The following ZBTB40 variants were observed in gnomAD, a reference collection of about 807,000 sequenced individuals.
The protein encoded by ZBTB40 is zinc finger and BTB domain containing 40.
In ZBTB40, 60 loss-of-function variants were observed where a neutral mutation model predicts 117.5. The ratio of observed to expected loss-of-function variants is 0.51; its 90% confidence interval spans 0.41 to 0.63. ZBTB40 has a LOEUF of 0.63. ZBTB40 is among the 30% of genes least tolerant of loss of function. ZBTB40 has a pLI of 0.00. For missense variants in ZBTB40, 1,287 were observed against 1,498.5 expected (o/e 0.86, Z 2.33); for synonymous variants, 525 against 577.1 (o/e 0.91, Z 1.29).
At chr1:22,517,201 G>A in intron 12 of ZBTB40, 99 bp from the exon 13 acceptor site, 2 of 1,537,152 alleles carry the variant, frequency 1.3e-6, no homozygotes, top group Admixed American at 1.7e-5. Context: ...TCATCTACCA[G>A]ATGATATTTC....
chr1:22,440,217 T>G (rs1262722533), intron 1 of ZBTB40, among the ~76,000 whole-genome samples: 1 of 152,240 alleles, frequency 6.6e-6, no homozygotes, highest in African/African-American at 2.4e-5. Flanking sequence ...ACAGGTTTTT[T>G]TGGTGGAATC....
chr1:22,441,661 T>G (rs1640734846), intron 1 of ZBTB40, among the ~76,000 whole-genome samples: 2 of 152,042 alleles, frequency 1.3e-5, no homozygotes, highest in South Asian at 4.2e-4. Flanking sequence ...TTTTGTATTT[T>G]TGGTAGAGAC....
intron 1 of ZBTB40, among the ~76,000 whole-genome samples, chr1:22,458,437 G>A (rs1338432469): frequency 6.6e-6 from 1 of 152,130 alleles, no homozygotes; most frequent in Non-Finnish European, 1.5e-5. Flanking sequence ...CATCCTTTCT[G>A]GGGCCAGTGG....
intron 1 of ZBTB40, among the ~76,000 whole-genome samples, chr1:22,468,643 C>CTTTTTTTTTTTTT (rs71020424): frequency 3.5e-5 from 1 of 28,608 alleles, no homozygotes; most frequent in Non-Finnish European, 5.9e-5. Context: ...GCCTGGCTGG[C>CTTTTTTTTTTTTT]TTTTTTTTTT....
chr1:22,490,815 A>G (rs1019683792), intron 2 of ZBTB40, among the ~76,000 whole-genome samples, 170 bp downstream of exon 2: 3 of 152,236 alleles, frequency 2.0e-5, no homozygotes, highest in Non-Finnish European at 4.4e-5. Flanking sequence ...GAACATTGAA[A>G]GTCCAAACAT....
chr1:22,517,329 G>T lies in ZBTB40; in HGVS notation c.2698G>T (p.Ala900Ser), dbSNP rs1230802092. The change falls in exon 13 of 18, where the codon GCT (alanine) becomes TCT (serine). Residue 900 changes from alanine (A) to serine (S), a missense_variant. By Grantham distance (99) the Ala-to-Ser change is moderately conservative (BLOSUM62 1). This residue lies in a region of ZBTB40 where 417 missense variants were observed against 564.1 expected (regional missense o/e 0.74). Transcript: ENST00000375647. ...AATGTATGCATGCCAGTACTGTGAT[G>T]CTGTGTTTGCCCAGTCTATTGAGCT... ...GKMYACQYCD[A>S]VFAQSIELSR... The T allele has an allele frequency of 6.2e-7, 1 of 1,614,058 alleles. No individual in the cohort carries two copies. Among genetic ancestry groups the T allele is most frequent in the Non-Finnish European group, 8.5e-7 (1 of 1,180,044 alleles).
intron 1 of ZBTB40, among the ~76,000 whole-genome samples, chr1:22,468,966 A>G (rs4369203): frequency 0.35 from 52,747 of 151,778 alleles, 10,741 homozygotes; most frequent in African/African-American, 0.54. Flanking sequence ...AGCGAGGACT[A>G]CAGGTGTACT....
rs368522269 is a variant in ZBTB40 at position 22,474,229 on chromosome 1, C to T, written c.-69-15651C>T. 5.3e-5 allele frequency among the ~76,000 whole-genome samples: 8 copies of T among 152,142 alleles called. No individual in the cohort carries two copies. In the East Asian group the frequency reaches 1.2e-3, roughly 22 times the overall value. On this transcript the variant is annotated intron_variant, in intron 1 of 17. Transcript: ENST00000375647. ...CGCTCCAAATCTTGGAGAGTGGAAC[C>T]GAAGCACACTAGCATTTGGGAAGGA...
chr1:22,459,113 C>T (rs1294482770), intron 1 of ZBTB40, among the ~76,000 whole-genome samples: 1 of 152,098 alleles, frequency 6.6e-6, no homozygotes, highest in Admixed American at 6.5e-5. Context: ...TATATCATGT[C>T]TGTGATACAG....
At chr1:22,462,233 G>C (rs1412376853) in intron 1 of ZBTB40, among the ~76,000 whole-genome samples, 1 of 152,210 alleles carries the variant, frequency 6.6e-6, no homozygotes, top group African/African-American at 2.4e-5. Context: ...GTATCACTCA[G>C]TGGTCAAAGT....
rs1413017524 is a variant in ZBTB40, at chr1:22,513,847, T to G, written c.2668+717T>G. ...CTGGCTAACCTCCTATGACTTTATA[T>G]TAGGTCTTGTGGAAAAGTCATTGTG... On this transcript the variant is annotated intron_variant, in intron 12 of 17. Coordinates refer to ENST00000375647, the MANE Select transcript of ZBTB40 (RefSeq NM_014870.4). This position sits in a 1 kb window ranked among gnomAD's most constrained non-coding sequence, Gnocchi z 4.9. 2.0e-5 allele frequency among the ~76,000 whole-genome samples: 3 copies of G among 152,200 alleles called. No homozygotes were observed. The highest frequency in any genetic ancestry group is 2.0e-4 in the Admixed American group (3 of 15,288).
intron 14 of ZBTB40, among the ~76,000 whole-genome samples, chr1:22,520,609 G>T (rs569983645): frequency 2.2e-4 from 34 of 152,306 alleles, no homozygotes; most frequent in African/African-American, 8.2e-4. Flanking sequence ...CATGACAGCG[G>T]CAATGGGGAG....
chr1:22,522,530 A>G, intron 16 of ZBTB40, 67 bp downstream of exon 16: 2 of 1,495,770 alleles, frequency 1.3e-6, no homozygotes, highest in Non-Finnish European at 1.9e-6. Context: ...CACCACTTGC[A>G]GCTTTGCAAC....
chr1:22,498,072 G>C (rs928371043), intron 3 of ZBTB40, among the ~76,000 whole-genome samples: 1 of 152,068 alleles, frequency 6.6e-6, no homozygotes, highest in African/African-American at 2.4e-5. Context: ...AGATTAAATG[G>C]TTTTTCACTT....
intron 12 of ZBTB40, among the ~76,000 whole-genome samples, chr1:22,516,230 C>G (rs1038937191): frequency 1.6e-4 from 24 of 151,956 alleles, no homozygotes; most frequent in African/African-American, 5.6e-4. Flanking sequence ...TTTGAGCTCC[C>G]AAAACAGATG....
At chr1:22,511,638 G>T in intron 10 of ZBTB40, 38 bp from the exon 11 acceptor site, 1 of 1,601,330 alleles carries the variant, frequency 6.2e-7, no homozygotes, top group Non-Finnish European at 8.5e-7. Context: ...AATAGAAACA[G>T]AGAGTTCGCA....
Position 22,528,941 on chromosome 1 carries a change from A to T in ZBTB40, c.*2545A>T, listed in dbSNP as rs1252687136. The T allele has an allele frequency of 2.6e-5, 4 of 152,316 alleles. No individual in the cohort carries two copies. Among genetic ancestry groups the T allele is most frequent in the Non-Finnish European group, 5.9e-5 (4 of 68,070 alleles). 9.4% of individuals were successfully genotyped at this position (152,316 alleles called of 1,614,324 possible). A position where few individuals can be genotyped will look rare whatever the true frequency, so the allele number is the denominator to read the frequency against. On this transcript the variant is annotated 3_prime_UTR_variant, in exon 18 of 18. Transcript: ENST00000375647. ...AGTGGACTGGCTGCCGGGGCCCATC[A>T]GATGCCCTCTGGCCCATGGCACACT...
chr1:22,495,763 G>A lies in ZBTB40; in HGVS notation c.831+4230G>A, dbSNP rs561118831. Among the ~76,000 whole-genome samples the A allele has an allele frequency of 2.3e-4, 35 of 152,216 alleles. No individual in the cohort carries two copies. The South Asian group carries it at 4.4e-3, about 19-fold the overall frequency. On this transcript the variant is annotated intron_variant, in intron 3 of 17. Coordinates refer to ENST00000375647, the MANE Select transcript of ZBTB40 (RefSeq NM_014870.4). Reference sequence around the variant, plus strand: ...CTGACCTCAGGTGATCCATCCACCCGCCTTGGCCTCCCAAAGTGCTGGGAT... The same window carrying A: ...CTGACCTCAGGTGATCCATCCACCCACCTTGGCCTCCCAAAGTGCTGGGAT...
At chr1:22,478,703 A>G (rs774978364) in intron 1 of ZBTB40, among the ~76,000 whole-genome samples, 1 of 152,218 alleles carries the variant, frequency 6.6e-6, no homozygotes, top group Non-Finnish European at 1.5e-5. Flanking sequence ...GATTGTCATT[A>G]TTCTACTTTG....
Sources: gnomAD v4.1 joint callset for allele counts (sites outside exome capture counted in the v4.1 genomes callset) on GRCh38, gnomAD v4.1.1 for gene constraint, gnomAD v4.1.1 regional missense constraint, Gnocchi (gnomAD v3.1) non-coding constraint, MANE v1.5 for transcripts, NCBI Gene and HGNC (gene_info 2026-07-23, HGNC 2026-07-21) for gene names.